Variants in TTC28 observed in about 807,000 individuals in gnomAD.
TTC28 encodes tetratricopeptide repeat domain 28.
In TTC28, 61 loss-of-function variants were observed where a neutral mutation model predicts 198.0. The observed-to-expected ratio is 0.31, with a 90% confidence interval of 0.25 to 0.38. The LOEUF (loss-of-function observed/expected upper bound fraction) is 0.38. TTC28 is among the 10% of genes least tolerant of loss of function. The pLI, the probability that TTC28 is intolerant of heterozygous loss-of-function variation, is 1.00. For missense variants in TTC28, 2,678 were observed against 3,164.0 expected, an observed-to-expected ratio of 0.85 and a Z score of 3.69; for synonymous variants, 1,171 against 1,297.8, an observed-to-expected ratio of 0.90 and a Z score of 2.10.
chr22:28,613,283 G>C (rs1169103182), intron 2 of TTC28, among the ~76,000 whole-genome samples: 7 of 152,106 alleles, frequency 4.6e-5, no homozygotes, highest in Non-Finnish European at 1.0e-4. Flanking sequence ...CCAATAACAA[G>C]TTCTGAAATT....
intron 5 of TTC28, among the ~76,000 whole-genome samples, chr22:28,175,562 T>A (rs568063898): frequency 6.6e-6 from 1 of 151,964 alleles, no homozygotes; most frequent in Non-Finnish European, 1.5e-5. Flanking sequence ...TGAAACCCCA[T>A]CTCTACTAAA....
At chr22:28,014,756 A>G (rs1439867161) in intron 13 of TTC28, among the ~76,000 whole-genome samples, 1 of 152,224 alleles carries the variant, frequency 6.6e-6, no homozygotes, top group Non-Finnish European at 1.5e-5. Flanking sequence ...CACCAAGCTG[A>G]TGAGGACAGT....
At chr22:28,411,755 G>A (rs1388730234) in intron 2 of TTC28, among the ~76,000 whole-genome samples, 1 of 152,102 alleles carries the variant, frequency 6.6e-6, no homozygotes, top group African/African-American at 2.4e-5. Flanking sequence ...AGTGTATAAG[G>A]AGAAACAAAT....
At chr22:28,482,303 C>T (rs2048260931) in intron 2 of TTC28, among the ~76,000 whole-genome samples, 1 of 149,888 alleles carries the variant, frequency 6.7e-6, no homozygotes, top group Admixed American at 6.7e-5. Context: ...GCTCCGCCTC[C>T]CGGGTTCACG....
chr22:28,607,699 A>G (rs1451316558), intron 2 of TTC28, among the ~76,000 whole-genome samples: 4 of 152,050 alleles, frequency 2.6e-5, no homozygotes, highest in Admixed American at 2.6e-4. Context: ...AACTACTTAA[A>G]TCTCCCTGAA....
chr22:28,512,065 T>G (rs1026422512), intron 2 of TTC28, among the ~76,000 whole-genome samples: 2 of 151,606 alleles, frequency 1.3e-5, no homozygotes, highest in Non-Finnish European at 2.9e-5. Context: ...GAAGGTCTAA[T>G]ATCCAGAGTC....
intron 5 of TTC28, among the ~76,000 whole-genome samples, chr22:28,216,431 A>T (rs1036788651): frequency 1.3e-5 from 2 of 152,196 alleles, no homozygotes; most frequent in Non-Finnish European, 2.9e-5. Flanking sequence ...TCCTTCAGCC[A>T]TAAGGTATTT....
At chr22:27,999,533 T>C in intron 15 of TTC28, 1 of 468,738 alleles carries the variant, frequency 2.1e-6, no homozygotes. Context: ...GGCCTTGATA[T>C]GACAGAGTGG....
chr22:27,990,671 C>A lies in TTC28; in HGVS notation c.5577+118G>T, dbSNP rs1004639112. The stretch of plus-strand genomic sequence containing the variant: ...GCGCACCCGCGGGGGCGCCGCAGCC[C>A]GTGTGGCTCCGTTTGACAGCACGTG... On this transcript the variant is annotated intron_variant, in intron 20 of 22. Coordinates refer to ENST00000397906, the MANE Select transcript of TTC28 (RefSeq NM_001145418.2). 3.1e-6 allele frequency: 3 copies of A among 966,088 alleles called. No individual in the cohort carries two copies. The African/African-American group carries it at 5.0e-5, about 16-fold the overall frequency. The allele number at this position is 966,088 out of a possible 1,614,324, so 59.8% of individuals were successfully genotyped here. A position where few individuals can be genotyped will look rare whatever the true frequency, so the allele number is the denominator to read the frequency against.
chr22:28,607,661 T>G (rs1321726236), intron 2 of TTC28, among the ~76,000 whole-genome samples: 1 of 152,184 alleles, frequency 6.6e-6, no homozygotes, highest in Non-Finnish European at 1.5e-5. Context: ...TAATTCTGAT[T>G]TTTTTCCTCA....
rs138612299 is a variant in TTC28 at position 28,018,244 on chromosome 22, A to AGTGTGTGTGTGTGTGTGT, written c.4074-3870_4074-3853dup. On this transcript the variant is annotated intron_variant, in intron 13 of 22. Transcript: ENST00000397906. ...ACTCCTCTGATCTGTGCTGCTATTC[A>AGTGTGTGTGTGTGTGTGT]GTGTGTGTGTGTGTGTGTGTGTGTG... Among the ~76,000 whole-genome samples the AGTGTGTGTGTGTGTGTGT allele has an allele frequency of 4.3e-4, 50 of 114,968 alleles. 1 individual carries two copies. The highest frequency in any genetic ancestry group is 1.0e-3 in the African/African-American group (29 of 28,344). 75.4% of individuals were successfully genotyped at this position (114,968 alleles called of 152,430 possible).
chr22:28,444,126 A>C (rs1216724966), intron 2 of TTC28, among the ~76,000 whole-genome samples: 2 of 152,194 alleles, frequency 1.3e-5, no homozygotes, highest in Non-Finnish European at 2.9e-5. Flanking sequence ...AAGGAGATAC[A>C]TCTACAAATA....
intron 2 of TTC28, among the ~76,000 whole-genome samples, chr22:28,402,745 A>C (rs554133954): frequency 6.6e-6 from 1 of 152,288 alleles, no homozygotes; most frequent in East Asian, 1.9e-4. Context: ...TAAAACTCTC[A>C]CAGTACTGTT....
intron 6 of TTC28, among the ~76,000 whole-genome samples, chr22:28,135,982 G>C (rs967493210): frequency 6.6e-6 from 1 of 152,114 alleles, no homozygotes; most frequent in Admixed American, 6.5e-5. Flanking sequence ...GGTCAGTTCT[G>C]GGGTTTTTTG....
At chr22:28,676,101 G>GA (rs141637376) in intron 1 of TTC28, among the ~76,000 whole-genome samples, 32 of 150,016 alleles carry the variant, frequency 2.1e-4, no homozygotes, top group Middle Eastern at 6.9e-3. Context: ...CCGAAAATTG[G>GA]AAAAAAAAAC....
chr22:28,379,877 C>CA (rs2046468932), intron 2 of TTC28, among the ~76,000 whole-genome samples: 1 of 151,886 alleles, frequency 6.6e-6, no homozygotes, highest in Non-Finnish European at 1.5e-5. Context: ...AAAAGACTGA[C>CA]AAAATCATGT....
At chr22:28,466,396 CT>C (rs796422217) in intron 2 of TTC28, among the ~76,000 whole-genome samples, 11 of 152,300 alleles carry the variant, frequency 7.2e-5, no homozygotes, top group African/African-American at 2.6e-4. Flanking sequence ...TCTGTTTCCT[CT>C]TTCCCCTTGA....
chr22:28,677,159 A>G (rs1351127267), intron 1 of TTC28, among the ~76,000 whole-genome samples: 28 of 15,934 alleles, frequency 1.8e-3, no homozygotes, highest in Non-Finnish European at 2.3e-3. Flanking sequence ...CCATCTCAGG[A>G]AAAAAAAAAA....
chr22:28,215,606 CATG>C (rs2147189839), intron 5 of TTC28, among the ~76,000 whole-genome samples: 1 of 152,132 alleles, frequency 6.6e-6, no homozygotes, highest in South Asian at 2.1e-4. Context: ...AGCATGCACA[CATG>C]GTGTGTGTGT....
Sources: allele counts gnomAD v4.1 joint callset (sites outside exome capture counted in the v4.1 genomes callset), GRCh38; gene constraint gnomAD v4.1.1; transcripts MANE v1.5; gene names NCBI Gene and HGNC (gene_info 2026-07-23, HGNC 2026-07-21).